Variants in SCN8A observed in about 807,000 individuals in gnomAD.
The protein encoded by SCN8A is sodium channel protein type 8 subunit alpha.
SCN8A carries 30 observed loss-of-function variants against 184.1 expected under a neutral mutation model. The observed-to-expected ratio is 0.16, with a 90% CI of 0.12 to 0.22. The LOEUF (loss-of-function observed/expected upper bound fraction) is 0.22, where lower values mean the gene tolerates loss of function less well. SCN8A is among the 10% of genes least tolerant of loss of function. The pLI is 1.00. For synonymous variants in SCN8A, 852 were observed against 907.0 expected, an observed-to-expected ratio of 0.94 and a Z score of 1.09; for missense variants, 1,057 against 2,498.9, an observed-to-expected ratio of 0.42 and a Z score of 12.30.
chr12:51,660,711 C>G lies in SCN8A; in HGVS notation c.-54-2053C>G, dbSNP rs1592361908. On this transcript the variant is annotated intron_variant, in intron 1 of 26. Coordinates refer to ENST00000627620, the MANE Select transcript of SCN8A (RefSeq NM_001330260.2). Reference sequence around the variant, plus strand: ...ATCTGTTAAGTGGTGATAATAATATCTGCCTCATATGCTGCTCTGGAGATT... The same window carrying G: ...ATCTGTTAAGTGGTGATAATAATATGTGCCTCATATGCTGCTCTGGAGATT... Among the ~76,000 whole-genome samples the G allele has an allele frequency of 2.6e-5, 4 of 152,302 alleles. No individual in the cohort carries two copies. In the South Asian group the frequency reaches 8.3e-4, roughly 32 times the overall value.
chr12:51,601,830 G>T, intron 1 of SCN8A, among the ~76,000 whole-genome samples: 1 of 142,374 alleles, frequency 7.0e-6, no homozygotes, highest in African/African-American at 2.6e-5. Context: ...CCCTACCTTT[G>T]CCAAGGGTGG....
chr12:51,708,203 A>G (rs1170142668), intron 11 of SCN8A, among the ~76,000 whole-genome samples: 1 of 152,240 alleles, frequency 6.6e-6, no homozygotes, highest in African/African-American at 2.4e-5. Flanking sequence ...AATAGGAGTC[A>G]TGAAACAGGA....
intron 12 of SCN8A, among the ~76,000 whole-genome samples, chr12:51,742,916 T>C (rs1246863105): frequency 2.0e-5 from 3 of 152,158 alleles, no homozygotes; most frequent in Non-Finnish European, 4.4e-5. Context: ...TTCTTTTGTC[T>C]CCTCTGAGTA....
At chr12:51,621,251 G>A (rs1939955863) in intron 1 of SCN8A, among the ~76,000 whole-genome samples, 1 of 152,188 alleles carries the variant, frequency 6.6e-6, no homozygotes, top group Non-Finnish European at 1.5e-5. Context: ...TATAAAGCAA[G>A]TTGAGCAAGT....
At chr12:51,665,420 G>A (rs774458380) in intron 2 of SCN8A, among the ~76,000 whole-genome samples, 33 of 151,722 alleles carry the variant, frequency 2.2e-4, no homozygotes, top group Admixed American at 4.6e-4. Flanking sequence ...AATTTTTTTT[G>A]GTAATCTTGA....
chr12:51,687,901 G>GT (rs1941445018), intron 5 of SCN8A, among the ~76,000 whole-genome samples: 1 of 152,200 alleles, frequency 6.6e-6, no homozygotes, highest in African/African-American at 2.4e-5. Context: ...GCGTTTTGTG[G>GT]TTTGAGAGTG....
At chr12:51,795,837 G>C (rs1473742073) in intron 26 of SCN8A, among the ~76,000 whole-genome samples, 1 of 150,542 alleles carries the variant, frequency 6.6e-6, no homozygotes, top group Non-Finnish European at 1.5e-5. Context: ...TTGAGCCCAG[G>C]AGTTCAAGAC....
intron 20 of SCN8A, among the ~76,000 whole-genome samples, chr12:51,776,735 A>G (rs1217683541): frequency 6.6e-6 from 1 of 152,234 alleles, no homozygotes; most frequent in Non-Finnish European, 1.5e-5. Context: ...CCATTTGAGT[A>G]AAGTGTCTGA....
At chr12:51,658,873 T>C (rs933279900) in intron 1 of SCN8A, among the ~76,000 whole-genome samples, 5 of 152,158 alleles carry the variant, frequency 3.3e-5, no homozygotes, top group Admixed American at 1.3e-4. Flanking sequence ...CAGAAGACTG[T>C]CATTCCAAGT....
chr12:51,595,841 T>C (rs1264980069), intron 1 of SCN8A, among the ~76,000 whole-genome samples: 4 of 152,236 alleles, frequency 2.6e-5, no homozygotes, highest in African/African-American at 9.6e-5. Context: ...TTATCTTCAG[T>C]CTGGCATAGA....
intron 2 of SCN8A, among the ~76,000 whole-genome samples, chr12:51,667,665 C>T (rs776651045): frequency 6.6e-6 from 1 of 152,194 alleles, no homozygotes; most frequent in Non-Finnish European, 1.5e-5. Context: ...GCCATATATA[C>T]TCCTAATGAC....
chr12:51,667,261 AT>A (rs1941050165), intron 2 of SCN8A, among the ~76,000 whole-genome samples: 1 of 152,108 alleles, frequency 6.6e-6, no homozygotes. Context: ...AAAAACAAAT[AT>A]GTGTTTTATG....
chr12:51,724,320 G>A (rs1942122036), intron 12 of SCN8A, among the ~76,000 whole-genome samples: 1 of 151,998 alleles, frequency 6.6e-6, no homozygotes, highest in Admixed American at 6.6e-5. Context: ...GGTGGTATGC[G>A]CCTATAATCT....
chr12:51,715,785 A>G (rs1941955754), intron 11 of SCN8A, among the ~76,000 whole-genome samples: 1 of 152,208 alleles, frequency 6.6e-6, no homozygotes, highest in Non-Finnish European at 1.5e-5. Context: ...ACCTAAGGCA[A>G]AATTATGAAT....
chr12:51,700,071 CAGG>C (rs1449211474), intron 7 of SCN8A, among the ~76,000 whole-genome samples: 1 of 151,490 alleles, frequency 6.6e-6, no homozygotes, highest in Non-Finnish European at 1.5e-5. Flanking sequence ...GAGGCTGAGG[CAGG>C]AGAATTGCTT....
At chr12:51,677,624 C>G (rs1014795087) in intron 2 of SCN8A, among the ~76,000 whole-genome samples, 1 of 152,166 alleles carries the variant, frequency 6.6e-6, no homozygotes, top group South Asian at 2.1e-4. Flanking sequence ...ATATCTTACC[C>G]TGAGTTAACA....
intron 2 of SCN8A, 22 bp from the exon 3 acceptor site, chr12:51,684,150 TTC>T (rs765408317): frequency 2.6e-6 from 3 of 1,150,288 alleles, no homozygotes; most frequent in Admixed American, 3.4e-5. Flanking sequence ...CTTTAATAAT[TTC>T]TCTCTCTTTC....
At chr12:51,664,286 C>T (rs947005662) in intron 2 of SCN8A, among the ~76,000 whole-genome samples, 16 of 151,574 alleles carry the variant, frequency 1.1e-4, no homozygotes, top group African/African-American at 2.2e-4. Context: ...CAGCTCACTG[C>T]GACCTCTGCT....
intron 1 of SCN8A, among the ~76,000 whole-genome samples, chr12:51,624,966 C>A (rs1940046574): frequency 6.6e-6 from 1 of 151,834 alleles, no homozygotes; most frequent in Non-Finnish European, 1.5e-5. Context: ...TTATGTCATA[C>A]ATTTATAATA....
Sources: gnomAD v4.1 joint callset for allele counts (sites outside exome capture counted in the v4.1 genomes callset) on GRCh38, gnomAD v4.1.1 for gene constraint, MANE v1.5 for transcripts, NCBI Gene and HGNC (gene_info 2026-07-23, HGNC 2026-07-21) for gene names.